NIPAL1: variants seen among roughly 807,000 people sequenced by gnomAD.
NIPAL1 encodes the protein magnesium transporter NIPA3.
A neutral mutation model predicts 37.7 loss-of-function variants in NIPAL1; 35 were observed. The ratio of observed to expected loss-of-function variants is 0.93; its 90% CI spans 0.71 to 1.23. The LOEUF (loss-of-function observed/expected upper bound fraction) is 1.23. Among genes scored for constraint, NIPAL1 ranks in the 50% most tolerant of loss-of-function variants. NIPAL1 has a pLI of 0.00. For missense variants in NIPAL1, 412 were observed against 473.9 expected (o/e 0.87, Z 1.21); for synonymous variants, 162 against 183.0 (o/e 0.89, Z 0.93).
In NIPAL1 at chr4:48,024,731, G is replaced by A. The variant is rs548257653; in HGVS notation, c.47-337G>A. Among the ~76,000 whole-genome samples the A allele has an allele frequency of 1.1e-4, 17 of 152,224 alleles. No individual in the cohort carries two copies. In the East Asian group the frequency reaches 1.9e-3, roughly 17 times the overall value. ...TGTGTTGAACTGTTGAGCACAAGCC[G>A]GTCTGAACAGCTATTCGCTGCTCCA... On this transcript the variant is annotated intron_variant, in intron 1 of 5. Transcript: ENST00000295461.
rs1160374461 is a variant in NIPAL1 at position 48,016,957 on chromosome 4, A to C, written c.46+72A>C. The C allele has an allele frequency of 3.9e-6, 5 of 1,269,560 alleles. No homozygotes were observed. In the Admixed American group the frequency reaches 1.0e-4, roughly 26 times the overall value. The allele number at this position is 1,269,560 out of a possible 1,614,324, so 78.6% of individuals were successfully genotyped here. ...GAGACCGGGTGGGCGGTCCCCGGAC[A>C]CTTGCGGAGACTGGAAAGGGGGGCT... is the stretch of plus-strand genomic sequence containing the variant. On this transcript the variant is annotated intron_variant, in intron 1 of 5. Coordinates refer to ENST00000295461, the MANE Select transcript of NIPAL1 (RefSeq NM_207330.3).
At position 48,025,111 on chromosome 4, in the gene NIPAL1, G is replaced by C. The variant is rs553817765; in HGVS notation, c.90G>C (p.Trp30Cys). 6 of 1,613,934 alleles carry C rather than the reference G, an allele frequency of 3.7e-6. No individual in the cohort carries two copies. The highest frequency in any genetic ancestry group is 5.1e-6 in the Non-Finnish European group (6 of 1,179,852). The change falls in exon 2 of 6, where the codon TGG (tryptophan) becomes TGC (cysteine). Residue 30 changes from tryptophan to cysteine, a missense_variant. Coordinates refer to ENST00000295461, the MANE Select transcript of NIPAL1 (RefSeq NM_207330.3). ...SLVCPNSSQA[W>C]CEITNVSQLL... Reference sequence around the variant, plus strand: ...TCTGTCCAAACTCCTCCCAGGCTTGGTGTGAGATCACAAATGTGTCACAGC... The same window carrying C: ...TCTGTCCAAACTCCTCCCAGGCTTGCTGTGAGATCACAAATGTGTCACAGC...
chr4:48,029,969 G>A (rs1312837847), intron 2 of NIPAL1, 151 bp from the exon 3 acceptor site: 7 of 498,360 alleles, frequency 1.4e-5, no homozygotes, highest in Non-Finnish European at 2.2e-5. Flanking sequence ...GAAGAGCTTT[G>A]GAAATGACCA....
In NIPAL1 at chr4:48,035,833, G is replaced by C. The variant is rs868152305; in HGVS notation, c.894G>C (p.Leu298=). 10 of 1,614,120 alleles carry C rather than the reference G, an allele frequency of 6.2e-6. 1 individual carries two copies. The Middle Eastern group carries it at 9.9e-4, about 160-fold the overall frequency. ...AGATTAACTATCTCAACAAGGCACT[G>C]GACACCTTTAATACCTCTCTTGTGA... is the stretch of plus-strand genomic sequence containing the variant. The part of the protein sequence containing the change: ...TTQINYLNKA[L]DTFNTSLVTP... Residue 298 remains leucine (L), a synonymous_variant, in exon 6 of 6, where the codon CTG becomes CTC. Transcript: ENST00000295461.
At chr4:48,017,032 G>A (rs544906970) in intron 1 of NIPAL1, 147 bp downstream of exon 1, 3 of 701,714 alleles carry the variant, frequency 4.3e-6, no homozygotes, top group African/African-American at 3.7e-5. Flanking sequence ...TCAGTCAGTC[G>A]GCCGTCCAGC....
In NIPAL1 at chr4:48,016,866, C is replaced by G. The variant is rs773009470; in HGVS notation, c.27C>G (p.Pro9=). 7.5e-6 allele frequency: 12 copies of G among 1,593,586 alleles called. No individual in the cohort carries two copies. Among genetic ancestry groups the G allele is most frequent in the Non-Finnish European group, 9.4e-6 (11 of 1,173,112 alleles). MGAQVRLP[P]GEPCREGYVL... Reference sequence around the variant, plus strand: ...TGGGGGCACAGGTGAGGCTGCCGCCCGGAGAGCCCTGCCGAGAAGGTTTGT... The same window carrying G: ...TGGGGGCACAGGTGAGGCTGCCGCCGGGAGAGCCCTGCCGAGAAGGTTTGT... The change falls in exon 1 of 6, where the codon CCC becomes CCG. Residue 9 remains proline, a synonymous_variant. Coordinates refer to ENST00000295461, the MANE Select transcript of NIPAL1 (RefSeq NM_207330.3).
chr4:48,031,067 T>C (rs1293676518), intron 3 of NIPAL1, among the ~76,000 whole-genome samples: 1 of 152,088 alleles, frequency 6.6e-6, no homozygotes, highest in Non-Finnish European at 1.5e-5. Flanking sequence ...TTTTTGTTTT[T>C]TGTTTTGTTT....
At chr4:48,032,913 C>A in intron 3 of NIPAL1, 80 bp from the exon 4 acceptor site, 1 of 916,556 alleles carries the variant, frequency 1.1e-6, no homozygotes, top group Non-Finnish European at 1.8e-6. Context: ...TAAAAGTCCA[C>A]TGCTTTGCAT....
chr4:48,030,062 C>G, intron 2 of NIPAL1, 58 bp from the exon 3 acceptor site: 2 of 1,013,884 alleles, frequency 2.0e-6, no homozygotes, highest in Non-Finnish European at 3.1e-6. Flanking sequence ...GTTAATTCTT[C>G]AAACCTTCCT....
Position 48,036,355 on chromosome 4 carries a change from C to T in NIPAL1, c.*183C>T, listed in dbSNP as rs1715946709. Reference sequence around the variant, plus strand: ...ATTTGAAAATCAAATTGATTATCCTCCAGAATCTCTACAAACTTTGAAATA... The same window carrying T: ...ATTTGAAAATCAAATTGATTATCCTTCAGAATCTCTACAAACTTTGAAATA... On this transcript the variant is annotated 3_prime_UTR_variant, in exon 6 of 6. Coordinates refer to ENST00000295461, the MANE Select transcript of NIPAL1 (RefSeq NM_207330.3). 1.8e-6 allele frequency: 1 copy of T among 561,476 alleles called. No homozygotes were observed. The highest frequency in any genetic ancestry group is 3.1e-6 in the Non-Finnish European group (1 of 326,454). The allele number at this position is 561,476 out of a possible 1,614,324, so 34.8% of individuals were successfully genotyped here.
chr4:48,026,816 T>A (rs183759224), intron 2 of NIPAL1, among the ~76,000 whole-genome samples: 1,804 of 152,008 alleles, frequency 0.012, 18 homozygotes, highest in Non-Finnish European at 0.014. Context: ...CCTCCCAGGT[T>A]CAAGCGATTC....
intron 1 of NIPAL1, 72 bp from the exon 2 acceptor site, chr4:48,024,996 C>T (rs1577623515): frequency 7.3e-7 from 1 of 1,363,820 alleles, no homozygotes; most frequent in Non-Finnish European, 1.0e-6. Context: ...GGCTCTGTTT[C>T]CTGCAGAAAG....
At chr4:48,024,042 C>G (rs2109366643) in intron 1 of NIPAL1, among the ~76,000 whole-genome samples, 1 of 144,418 alleles carries the variant, frequency 6.9e-6, no homozygotes, top group South Asian at 2.2e-4. Context: ...GTGGCGCGAT[C>G]TCAGCTCACT....
chr4:48,032,883 A>G, intron 3 of NIPAL1, 110 bp from the exon 4 acceptor site: 2 of 642,430 alleles, frequency 3.1e-6, no homozygotes, highest in Non-Finnish European at 5.6e-6. Context: ...TTTTAGCTAG[A>G]TCTTCCCATG....
chr4:48,033,060 G>A lies in NIPAL1; in HGVS notation c.438G>A (p.Leu146=). The stretch of plus-strand genomic sequence containing the variant: ...CACCTGCCACCTTGGTCACCCCTCT[G>A]GGTGCTTTGAGTGTTCTCATAAGGT... ...AFAPATLVTP[L]GALSVLISAI... is the part of the protein sequence containing the mutation. Residue 146 remains leucine (L), a synonymous_variant, in exon 4 of 6, where the codon CTG becomes CTA. Coordinates refer to ENST00000295461, the MANE Select transcript of NIPAL1 (RefSeq NM_207330.3). 6.2e-7 allele frequency: 1 copy of A among 1,613,502 alleles called. No homozygotes were observed. The highest frequency in any genetic ancestry group is 1.1e-5 in the South Asian group (1 of 91,030).
Position 48,027,488 on chromosome 4 carries a change from G to A in NIPAL1, c.313+2154G>A, listed in dbSNP as rs1258280026. ...CACTAGTACCCAAAGATACCAACTA[G>A]ACAATAGTCAGGTCCAGGGTTGTAA... is the stretch of plus-strand genomic sequence containing the variant. On this transcript the variant is annotated intron_variant, in intron 2 of 5. Transcript: ENST00000295461. The surrounding 1 kb of genome is among the most constrained non-coding windows in gnomAD (Gnocchi z 4.1). Among the ~76,000 whole-genome samples, 1 of 152,174 alleles carries A rather than the reference G, an allele frequency of 6.6e-6. No individual in the cohort carries two copies. The highest frequency in any genetic ancestry group is 1.5e-5 in the Non-Finnish European group (1 of 68,006).
intron 1 of NIPAL1, among the ~76,000 whole-genome samples, 184 bp downstream of exon 1, chr4:48,017,069 G>A (rs1185837243): frequency 6.6e-6 from 1 of 152,260 alleles, no homozygotes; most frequent in African/African-American, 2.4e-5. Context: ...ATTTATGGGT[G>A]CCTAGGCGAT....
At chr4:48,017,566 A>G (rs1715462606) in intron 1 of NIPAL1, among the ~76,000 whole-genome samples, 1 of 152,180 alleles carries the variant, frequency 6.6e-6, no homozygotes, top group African/African-American at 2.4e-5. Context: ...GGCTCTTCTT[A>G]CTGCTTCTCA....
Position 48,035,029 on chromosome 4 carries a change from T to C in NIPAL1, c.610T>C (p.Leu204=). Residue 204 remains leucine, a synonymous_variant, in exon 5 of 6, where the codon TTG becomes CTG. Coordinates refer to ENST00000295461, the MANE Select transcript of NIPAL1 (RefSeq NM_207330.3). The part of the protein sequence containing the change: ...VTSLHEMEMK[L]RDPGFISFAV... ...ATCTTTGCATGAAATGGAAATGAAA[T>C]TGAGAGACCCAGGTCTGTGATTCAA... The C allele has an allele frequency of 6.2e-7, 1 of 1,613,878 alleles. No individual in the cohort carries two copies. Among genetic ancestry groups the C allele is most frequent in the Non-Finnish European group, 8.5e-7 (1 of 1,179,822 alleles).
Sources: gnomAD v4.1 joint callset for allele counts (sites outside exome capture counted in the v4.1 genomes callset) on GRCh38, gnomAD v4.1.1 for gene constraint, Gnocchi (gnomAD v3.1) non-coding constraint, MANE v1.5 for transcripts, NCBI Gene and HGNC (gene_info 2026-07-23, HGNC 2026-07-21) for gene names.